PARD3: variants seen among roughly 807,000 people sequenced by gnomAD.
PARD3 encodes partitioning defective 3 homolog.
Under a neutral mutation model 155.4 loss-of-function variants are expected in PARD3, and 75 were observed. The ratio of observed to expected loss-of-function variants is 0.48; its 90% CI spans 0.40 to 0.58. The LOEUF is 0.58. PARD3 is among the 20% of genes least tolerant of loss of function. The pLI, the probability that PARD3 is intolerant of heterozygous loss-of-function variation, is 0.00. For synonymous variants in PARD3, 576 were observed against 610.5 expected, an observed-to-expected ratio of 0.94 and a Z score of 0.83; for missense variants, 1,642 against 1,721.7, an observed-to-expected ratio of 0.95 and a Z score of 0.82.
intron 7 of PARD3, among the ~76,000 whole-genome samples, chr10:34,397,648 C>T (rs1043706260): frequency 5.9e-5 from 9 of 152,166 alleles, no homozygotes; most frequent in Admixed American, 1.3e-4. Flanking sequence ...CCATCTTACT[C>T]TCCATTTGCT....
chr10:34,156,305 C>T (rs1473222997), intron 22 of PARD3, among the ~76,000 whole-genome samples: 1 of 152,010 alleles, frequency 6.6e-6, no homozygotes, highest in East Asian at 1.9e-4. Flanking sequence ...TTATATTGTC[C>T]AGGCAGGTCT....
intron 24 of PARD3, among the ~76,000 whole-genome samples, chr10:34,114,979 C>T (rs763751937): frequency 2.0e-5 from 3 of 152,190 alleles, no homozygotes; most frequent in African/African-American, 7.2e-5. Flanking sequence ...TTGGCAATAA[C>T]TATCACCTAA....
chr10:34,615,013 C>T (rs571822842), intron 2 of PARD3, among the ~76,000 whole-genome samples: 2 of 152,196 alleles, frequency 1.3e-5, no homozygotes, highest in East Asian at 3.9e-4. Context: ...CACGTCTCTA[C>T]TAAAAATACA....
At chr10:34,789,647 T>C (rs1456616087) in intron 1 of PARD3, among the ~76,000 whole-genome samples, 1 of 152,106 alleles carries the variant, frequency 6.6e-6, no homozygotes. Flanking sequence ...AAGTCCACCA[T>C]GAGCTCTGAT....
intron 1 of PARD3, among the ~76,000 whole-genome samples, chr10:34,799,102 C>T (rs1274001812): frequency 2.6e-5 from 4 of 152,174 alleles, no homozygotes; most frequent in Non-Finnish European, 5.9e-5. Flanking sequence ...AGTGCAGTGG[C>T]GCAATCTCGG....
intron 12 of PARD3, among the ~76,000 whole-genome samples, chr10:34,361,521 C>A (rs1283986649): frequency 6.6e-6 from 1 of 152,116 alleles, no homozygotes; most frequent in South Asian, 2.1e-4. Flanking sequence ...TAAAAATCAA[C>A]CCAAGGAATT....
intron 22 of PARD3, among the ~76,000 whole-genome samples, chr10:34,157,112 C>T (rs181802160): frequency 6.4e-4 from 98 of 152,284 alleles, no homozygotes; most frequent in African/African-American, 2.1e-3. Flanking sequence ...TCTCAGCAAA[C>T]GTACAAAAGA....
At chr10:34,636,451 C>T (rs1176152701) in intron 2 of PARD3, among the ~76,000 whole-genome samples, 2 of 152,232 alleles carry the variant, frequency 1.3e-5, no homozygotes, top group Admixed American at 1.3e-4. Context: ...AGTCCCTCCA[C>T]CCCACCACAA....
chr10:34,493,803 G>T (rs916597120), intron 3 of PARD3, among the ~76,000 whole-genome samples: 1 of 151,534 alleles, frequency 6.6e-6, no homozygotes, highest in Non-Finnish European at 1.5e-5. Flanking sequence ...TTAAAACAAA[G>T]ATAATACTCA....
At chr10:34,574,678 T>G (rs2086747898) in intron 2 of PARD3, among the ~76,000 whole-genome samples, 1 of 152,156 alleles carries the variant, frequency 6.6e-6, no homozygotes, top group South Asian at 2.1e-4. Flanking sequence ...AAAGTATGAC[T>G]CAAGTATTTA....
chr10:34,162,463 G>A (rs1401873106), intron 22 of PARD3, among the ~76,000 whole-genome samples: 7 of 152,174 alleles, frequency 4.6e-5, no homozygotes, highest in African/African-American at 1.7e-4. Context: ...CTAGCTGAGT[G>A]AAGGAGTTTA....
chr10:34,569,263 A>C (rs569493195), intron 2 of PARD3, among the ~76,000 whole-genome samples: 45 of 152,286 alleles, frequency 3.0e-4, no homozygotes, highest in Non-Finnish European at 4.7e-4. Context: ...TTGGGGAGGA[A>C]ATGTTCATGT....
At position 34,556,619 on chromosome 10, in the gene PARD3, T is replaced by C. The variant is rs981687626; in HGVS notation, c.223-39460A>G. 5.3e-5 allele frequency among the ~76,000 whole-genome samples: 8 copies of C among 152,218 alleles called. No homozygotes were observed. In the East Asian group the frequency reaches 1.5e-3, roughly 29 times the overall value. Reference sequence around the variant, plus strand: ...GGATGGTTTCAATCTCCTGACCTCGTGATCCGCCCGCCTCAGCCTCCCAAA... The same window carrying C: ...GGATGGTTTCAATCTCCTGACCTCGCGATCCGCCCGCCTCAGCCTCCCAAA... On this transcript the variant is annotated intron_variant, in intron 2 of 24. Transcript: ENST00000374788.
At chr10:34,144,726 C>G (rs1252744572) in intron 22 of PARD3, among the ~76,000 whole-genome samples, 1 of 152,166 alleles carries the variant, frequency 6.6e-6, no homozygotes. Flanking sequence ...ACTCCAAATT[C>G]CCATCTTCCA....
intron 23 of PARD3, among the ~76,000 whole-genome samples, chr10:34,127,394 T>C (rs986829532): frequency 2.6e-5 from 4 of 152,222 alleles, no homozygotes; most frequent in African/African-American, 7.2e-5. Flanking sequence ...CGCACACTGA[T>C]GTGGTCCTCA....
intron 3 of PARD3, among the ~76,000 whole-genome samples, chr10:34,478,972 C>T (rs546387949): frequency 6.6e-6 from 1 of 152,110 alleles, no homozygotes; most frequent in South Asian, 2.1e-4. Context: ...AAACACTCAC[C>T]TGAGTACAAG....
At chr10:34,681,744 ATATATATATATATATATATATATATTT>A (rs2093830264) in intron 2 of PARD3, among the ~76,000 whole-genome samples, 1 of 16,398 alleles carries the variant, frequency 6.1e-5, no homozygotes, top group Non-Finnish European at 1.2e-4. Flanking sequence ...ATATATATAT[ATATATATATATATATATATATATATTT>A]TTTTTTTTTT....
chr10:34,372,602 A>G, intron 11 of PARD3, 66 bp from the exon 12 acceptor site: 2 of 1,115,118 alleles, frequency 1.8e-6, no homozygotes, highest in Non-Finnish European at 2.7e-6. Context: ...ACAGGGACAC[A>G]ATGATTTATT....
intron 2 of PARD3, among the ~76,000 whole-genome samples, chr10:34,672,302 T>G (rs776694198): frequency 2.6e-5 from 4 of 152,158 alleles, no homozygotes; most frequent in Non-Finnish European, 5.9e-5. Context: ...TAAATTACAG[T>G]GCAGCTGGTT....
Sources: gnomAD v4.1 joint callset for allele counts (sites outside exome capture counted in the v4.1 genomes callset) on GRCh38, gnomAD v4.1.1 for gene constraint, MANE v1.5 for transcripts, NCBI Gene and HGNC (gene_info 2026-07-23, HGNC 2026-07-21) for gene names.